The following TMEM217 variants were observed in gnomAD, a reference collection of about 807,000 sequenced individuals.
TMEM217 encodes the protein transmembrane protein 217.
For synonymous variants in TMEM217, 76 were observed against 88.3 expected, an observed-to-expected ratio of 0.86 and a Z score of 0.78; for missense variants, 204 against 248.8, an observed-to-expected ratio of 0.82 and a Z score of 1.21.
intron 1 of TMEM217, 21 bp from the exon 2 acceptor site, chr6:37,219,062 A>C: frequency 1.3e-6 from 2 of 1,590,362 alleles, no homozygotes. Flanking sequence ...AAACAACATG[A>C]GGGAGAATTC....
chr6:37,245,724 G>A (rs1765029182), intron 1 of TMEM217, among the ~76,000 whole-genome samples: 1 of 152,096 alleles, frequency 6.6e-6, no homozygotes, highest in African/African-American at 2.4e-5. Flanking sequence ...AAGAGCAGGA[G>A]GAGGACGAGG....
intron 1 of TMEM217, among the ~76,000 whole-genome samples, chr6:37,254,105 A>C (rs1287439263): frequency 6.6e-6 from 1 of 152,250 alleles, no homozygotes; most frequent in Non-Finnish European, 1.5e-5. Flanking sequence ...CAGAAGATCT[A>C]TAAAGTGAGG....
intron 1 of TMEM217, among the ~76,000 whole-genome samples, chr6:37,256,732 T>A (rs1392153186): frequency 1.1e-5 from 1 of 90,314 alleles, no homozygotes; most frequent in Non-Finnish European, 2.1e-5. Flanking sequence ...ATGTGGTAGC[T>A]GTAAATGGAG....
intron 1 of TMEM217, among the ~76,000 whole-genome samples, chr6:37,236,616 C>T (rs1348941730): frequency 6.6e-6 from 1 of 151,994 alleles, no homozygotes; most frequent in Non-Finnish European, 1.5e-5. Context: ...AATTTATTCT[C>T]TCCAAGTCTC....
downstream of TMEM217, chr6:37,215,145 C>T (rs1763112618): frequency 3.1e-6 from 5 of 1,602,472 alleles, no homozygotes; most frequent in Non-Finnish European, 4.3e-6. Flanking sequence ...CCTAACTTCC[C>T]TTTCTGCCGC....
At chr6:37,216,032 T>A (rs6457984), downstream of TMEM217, among the ~76,000 whole-genome samples, 6,992 of 138,516 alleles carry the variant, frequency 0.05, 497 homozygotes, top group African/African-American at 0.16. Flanking sequence ...TGTGTGTGTG[T>A]GAGAAACAGA....
chr6:37,254,011 A>C (rs1765587903), intron 1 of TMEM217, among the ~76,000 whole-genome samples: 1 of 152,232 alleles, frequency 6.6e-6, no homozygotes, highest in Admixed American at 6.5e-5. Context: ...GGGGAAAGTA[A>C]AAACTTGCAG....
rs114080679 is a variant in TMEM217, at chr6:37,228,064, G to A, written c.-11-9023C>T. Among the ~76,000 whole-genome samples, 685 of 152,230 alleles carry A rather than the reference G, an allele frequency of 4.5e-3. 4 individuals are homozygous for A. The highest frequency in any genetic ancestry group is 0.015 in the African/African-American group (633 of 41,548). ...GTCTCAAACTCTAAGGACTTCCAGA[G>A]CTAGGCAAGTCAAATAAATGGGTGA... On this transcript the variant is annotated intron_variant, in intron 1 of 1. Coordinates refer to ENST00000357219, the Ensembl canonical transcript of TMEM217.
chr6:37,213,006 G>GA (rs1179205228), downstream of TMEM217: 2 of 1,525,442 alleles, frequency 1.3e-6, no homozygotes, highest in Non-Finnish European at 1.8e-6. Context: ...CCTGCAGGAA[G>GA]AAAATCATAC....
intron 1 of TMEM217, among the ~76,000 whole-genome samples, chr6:37,232,103 G>A (rs139015577): frequency 0.011 from 1,628 of 152,128 alleles, 24 homozygotes; most frequent in Middle Eastern, 0.044. Context: ...TCTTTTGTTG[G>A]GGGGGAGAGA....
intron 1 of TMEM217, among the ~76,000 whole-genome samples, chr6:37,222,480 C>A (rs1303608176): frequency 6.6e-6 from 1 of 152,200 alleles, no homozygotes; most frequent in Admixed American, 6.5e-5. Context: ...GCTGCAGAGA[C>A]GCCCGGGTCC....
intron 1 of TMEM217, among the ~76,000 whole-genome samples, chr6:37,247,334 G>A (rs371146083): frequency 2.0e-4 from 30 of 152,002 alleles, no homozygotes; most frequent in African/African-American, 6.5e-4. Flanking sequence ...AGTGGGGAAA[G>A]AGGTAGAAGT....
At chr6:37,220,079 T>C (rs1763422919) in intron 1 of TMEM217, among the ~76,000 whole-genome samples, 1 of 152,026 alleles carries the variant, frequency 6.6e-6, no homozygotes, top group Non-Finnish European at 1.5e-5. Context: ...ATAAGAACTA[T>C]ACAAAAGTAG....
intron 1 of TMEM217, among the ~76,000 whole-genome samples, chr6:37,221,347 T>C (rs979919864): frequency 1.3e-5 from 2 of 152,076 alleles, no homozygotes; most frequent in Non-Finnish European, 2.9e-5. Flanking sequence ...CCACCACACC[T>C]GGCTAATTTT....
intron 1 of TMEM217, among the ~76,000 whole-genome samples, chr6:37,254,617 A>G (rs561524072): frequency 6.6e-6 from 1 of 152,362 alleles, no homozygotes; most frequent in South Asian, 2.1e-4. Flanking sequence ...CATCTTTCCT[A>G]ACATAAAAAT....
chr6:37,214,617 A>C (rs951338986), downstream of TMEM217, among the ~76,000 whole-genome samples: 1 of 152,052 alleles, frequency 6.6e-6, no homozygotes, highest in African/African-American at 2.4e-5. Flanking sequence ...GCTCCCTACT[A>C]ACCATTTTTC....
chr6:37,218,422 C>T lies in TMEM217; in HGVS notation c.609G>A (p.Ter203=). Residue 203 remains the stop codon, a stop_retained_variant, in exon 2 of 2, where the codon TAG becomes TAA. Coordinates refer to ENST00000357219, the Ensembl canonical transcript of TMEM217. ...GAACTCCTGACCTCAGGCGATCCAC[C>T]TACCTCTGCCTCTCAAAGTACTGGG... is the stretch of plus-strand genomic sequence containing the variant. 2 of 1,592,528 alleles carry T rather than the reference C, an allele frequency of 1.3e-6. No homozygotes were observed. The highest frequency in any genetic ancestry group is 1.7e-6 in the Non-Finnish European group (2 of 1,166,862).
intron 1 of TMEM217, among the ~76,000 whole-genome samples, chr6:37,250,861 G>T (rs1362860721): frequency 6.6e-6 from 1 of 152,176 alleles, no homozygotes; most frequent in Non-Finnish European, 1.5e-5. Context: ...TAACTCACTA[G>T]TAGTTGATGC....
downstream of TMEM217, among the ~76,000 whole-genome samples, chr6:37,214,478 C>T (rs1246876594): frequency 2.0e-5 from 3 of 152,190 alleles, no homozygotes; most frequent in South Asian, 2.1e-4. Flanking sequence ...CTGCCCGCCT[C>T]GGCCTCCCAA....
Sources: gnomAD v4.1 joint callset for allele counts (sites outside exome capture counted in the v4.1 genomes callset) on GRCh38, gnomAD v4.1.1 for gene constraint, MANE v1.5 for transcripts, NCBI Gene and HGNC (gene_info 2026-07-23, HGNC 2026-07-21) for gene names.